The following ACOX3 variants were observed in gnomAD, a reference collection of about 807,000 sequenced individuals.
The protein encoded by ACOX3 is acyl-CoA oxidase 3, pristanoyl.
Under a neutral mutation model 81.5 loss-of-function variants are expected in ACOX3, and 73 were observed. That is an observed-to-expected ratio of 0.90 (90% CI 0.74 to 1.09). The LOEUF (loss-of-function observed/expected upper bound fraction) is 1.09. ACOX3 is among the 50% of genes least tolerant of loss of function. The pLI is 0.00. For synonymous variants in ACOX3, 387 were observed against 375.1 expected, an observed-to-expected ratio of 1.03 and a Z score of -0.37; for missense variants, 947 against 928.0, an observed-to-expected ratio of 1.02 and a Z score of -0.27.
the ACOX3 span, chr4:8,357,130 T>G: frequency 2.2e-6 from 1 of 456,602 alleles, no homozygotes; most frequent in Non-Finnish European, 4.4e-6. Flanking sequence ...CATGCTAAGA[T>G]GATCCCGGCA....
intron 1 of ACOX3, among the ~76,000 whole-genome samples, chr4:8,424,768 G>C (rs1723293446): frequency 6.6e-6 from 1 of 152,218 alleles, no homozygotes; most frequent in Admixed American, 6.5e-5. Context: ...ACAGGTGATT[G>C]CTCAAACCTA....
rs545418283 is a variant in ACOX3 at position 8,407,374 on chromosome 4, C to T, written c.688-1331G>A. Among the ~76,000 whole-genome samples the T allele has an allele frequency of 9.8e-5, 15 of 152,324 alleles. No homozygotes were observed. In the East Asian group the frequency reaches 2.5e-3, roughly 25 times the overall value. On this transcript the variant is annotated intron_variant, in intron 6 of 17. Transcript: ENST00000356406. The surrounding 1 kb of genome is among the most constrained non-coding windows in gnomAD (Gnocchi z 4.6). Reference sequence around the variant, plus strand: ...AGCTCGTGTCCTCAGTCTCTTGCCTCGGCACCTGGGTGGCTTGCCGCCCAC... The same window carrying T: ...AGCTCGTGTCCTCAGTCTCTTGCCTTGGCACCTGGGTGGCTTGCCGCCCAC...
At chr4:8,390,181 T>C (rs1718819413) in intron 11 of ACOX3, among the ~76,000 whole-genome samples, 1 of 118,542 alleles carries the variant, frequency 8.4e-6, no homozygotes, top group African/African-American at 4.8e-5. Flanking sequence ...CTATAAAAAA[T>C]GAAAAAAAAA....
At chr4:8,373,023 C>T (rs1578854179) in intron 16 of ACOX3, among the ~76,000 whole-genome samples, 4 of 152,166 alleles carry the variant, frequency 2.6e-5, no homozygotes, top group Non-Finnish European at 2.9e-5. Flanking sequence ...AGAGAGATGC[C>T]GGATCAGAAT....
rs115728240 is a variant in ACOX3, at chr4:8,387,421, G to A, written c.1537+1752C>T. ...TACTCTTCCACGTCTCGGGTGTCAC[G>A]GGAGCAGTCAGTTTCTACCTGGCCC... On this transcript the variant is annotated intron_variant, in intron 13 of 17. Coordinates refer to ENST00000356406, the MANE Select transcript of ACOX3 (RefSeq NM_003501.3). Among the ~76,000 whole-genome samples the A allele has an allele frequency of 5.6e-3, 846 of 152,326 alleles. 6 individuals carry two copies. The highest frequency in any genetic ancestry group is 0.019 in the African/African-American group (809 of 41,582).
rs566785035 is a variant in ACOX3, at chr4:8,370,512, C to T, written c.1983+396G>A. On this transcript the variant is annotated intron_variant, in intron 17 of 17. Coordinates refer to ENST00000356406, the MANE Select transcript of ACOX3 (RefSeq NM_003501.3). This position sits in a 1 kb window ranked among gnomAD's most constrained non-coding sequence, Gnocchi z 6.3. The stretch of plus-strand genomic sequence containing the variant: ...AGGGGACAGAGGGGCCTGGGGATTC[C>T]AGGACAGGGATGGGGGAAGAGGCCT... Among the ~76,000 whole-genome samples the T allele has an allele frequency of 4.8e-4, 69 of 144,162 alleles. No individual in the cohort carries two copies. Among genetic ancestry groups the T allele is most frequent in the African/African-American group, 1.8e-3 (68 of 37,916 alleles). 94.6% of individuals were successfully genotyped at this position (144,162 alleles called of 152,430 possible). A position where few individuals can be genotyped will look rare whatever the true frequency, so the allele number is the denominator to read the frequency against.
intron 14 of ACOX3, among the ~76,000 whole-genome samples, chr4:8,380,862 C>T (rs1717557859): frequency 6.6e-6 from 1 of 152,132 alleles, no homozygotes; most frequent in Non-Finnish European, 1.5e-5. Context: ...ATCCGGGAGC[C>T]CTACTGCCCC....
intron 13 of ACOX3, among the ~76,000 whole-genome samples, chr4:8,388,584 G>A (rs1006113): frequency 0.25 from 38,532 of 152,222 alleles, 5,434 homozygotes; most frequent in African/African-American, 0.38. Flanking sequence ...GGCGGAGCCT[G>A]CAGCAGCTCC....
At chr4:8,403,013 G>C (rs1030207890) in intron 7 of ACOX3, among the ~76,000 whole-genome samples, 4 of 152,156 alleles carry the variant, frequency 2.6e-5, no homozygotes, top group African/African-American at 9.6e-5. Context: ...GCAAACGCAC[G>C]AAGAAAGACC....
Position 8,399,690 on chromosome 4 carries a change from C to T in ACOX3, c.777-38G>A, listed in dbSNP as rs1260278756. 16 of 1,577,480 alleles carry T rather than the reference C, an allele frequency of 1.0e-5. No individual in the cohort carries two copies. Among genetic ancestry groups the T allele is most frequent in the Non-Finnish European group, 1.3e-5 (15 of 1,147,150 alleles). On this transcript the variant is annotated intron_variant, in intron 7 of 17. Coordinates refer to ENST00000356406, the MANE Select transcript of ACOX3 (RefSeq NM_003501.3). This position sits in a 1 kb window ranked among gnomAD's most constrained non-coding sequence, Gnocchi z 4.9. The stretch of plus-strand genomic sequence containing the variant: ...AGCAGGGCTTCTGTTAAACAGGGGT[C>T]CTGCCCTGAGGCTCTTCTCTTCTCC...
At chr4:8,358,037 GA>G in the ACOX3 span, 1 of 152,462 alleles carries the variant, frequency 6.6e-6, no homozygotes, top group South Asian at 2.1e-4. Context: ...AGAGATCCTA[GA>G]CTGACAAAAC....
chr4:8,361,165 C>T, the ACOX3 span, among the ~76,000 whole-genome samples: 43 of 151,834 alleles, frequency 2.8e-4, no homozygotes, highest in South Asian at 6.2e-4. Context: ...GGCTCACGCC[C>T]GTAATCCCAG....
In ACOX3 at chr4:8,381,129, C is replaced by T. The variant is rs1044309100; in HGVS notation, c.1653+363G>A. 6.6e-6 allele frequency among the ~76,000 whole-genome samples: 1 copy of T among 152,176 alleles called. No individual in the cohort carries two copies. Among genetic ancestry groups the T allele is most frequent in the East Asian group, 1.9e-4 (1 of 5,194 alleles). ...GCAACTTGTGGAAAACCAAGCAGGG[C>T]GCTGGCATCACTCCCACGAGTCAGG... is the stretch of plus-strand genomic sequence containing the variant. On this transcript the variant is annotated intron_variant, in intron 14 of 17. Transcript: ENST00000356406. The surrounding 1 kb of genome is among the most constrained non-coding windows in gnomAD (Gnocchi z 4.3).
At chr4:8,395,350 G>GGGTGGATGCGTGGACA (rs1719575349) in intron 9 of ACOX3, among the ~76,000 whole-genome samples, 1 of 147,022 alleles carries the variant, frequency 6.8e-6, no homozygotes, top group African/African-American at 2.6e-5. Context: ...GTAGATGGAT[G>GGGTGGATGCGTGGACA]GGTGGGTGGA....
In ACOX3 at chr4:8,431,284, AT is replaced by A. The variant is rs1440197662; in HGVS notation, c.-15+9363del. 2.0e-5 allele frequency among the ~76,000 whole-genome samples: 3 copies of A among 151,988 alleles called. No individual in the cohort carries two copies. The highest frequency in any genetic ancestry group is 4.8e-5 in the African/African-American group (2 of 41,372). ...TTGGCCCCCTGACTTCACTCTCTCC[AT>A]TTAGTTTCCCAGATTGGCATCTGCA... On this transcript the variant is annotated intron_variant, in intron 1 of 17. Coordinates refer to ENST00000356406, the MANE Select transcript of ACOX3 (RefSeq NM_003501.3). The surrounding 1 kb of genome is among the most constrained non-coding windows in gnomAD (Gnocchi z 5.3).
At chr4:8,369,418 T>C (rs559536856) in intron 17 of ACOX3, among the ~76,000 whole-genome samples, 1 of 152,298 alleles carries the variant, frequency 6.6e-6, no homozygotes, top group South Asian at 2.1e-4. Flanking sequence ...TGCCACTCCC[T>C]GGCTGGGAAA....
At chr4:8,421,099 G>A (rs1313565836) in intron 1 of ACOX3, among the ~76,000 whole-genome samples, 1 of 152,230 alleles carries the variant, frequency 6.6e-6, no homozygotes, top group African/African-American at 2.4e-5. Context: ...CATCTTGGGA[G>A]CTCTGGGAGC....
chr4:8,366,890 C>T lies in ACOX3; in HGVS notation c.*71G>A. On this transcript the variant is annotated 3_prime_UTR_variant, in exon 18 of 18. Transcript: ENST00000356406. ...AGCAATCTCCGGCGTGTTCTGGAAT[C>T]AGAAGTTGAGGTCCACGTCTGATTA... is the stretch of plus-strand genomic sequence containing the variant. 1 of 1,580,806 alleles carries T rather than the reference C, an allele frequency of 6.3e-7. No individual in the cohort carries two copies. The highest frequency in any genetic ancestry group is 2.3e-5 in the East Asian group (1 of 43,956).
At chr4:8,392,584 G>A in intron 10 of ACOX3, 131 bp from the exon 11 acceptor site, 7 of 1,046,140 alleles carry the variant, frequency 6.7e-6, no homozygotes, top group Non-Finnish European at 9.2e-6. Context: ...AATGACAGAA[G>A]AGGAAACCTA....
Sources: gnomAD v4.1 joint callset for allele counts (sites outside exome capture counted in the v4.1 genomes callset) on GRCh38, gnomAD v4.1.1 for gene constraint, Gnocchi (gnomAD v3.1) non-coding constraint, MANE v1.5 for transcripts, NCBI Gene and HGNC (gene_info 2026-07-23, HGNC 2026-07-21) for gene names.